PRC1: variants seen among roughly 807,000 people sequenced by gnomAD.
PRC1 encodes the protein protein regulator of cytokinesis 1.
In PRC1, 54 loss-of-function variants were observed where a neutral mutation model predicts 91.2. That is an observed-to-expected ratio of 0.59 (90% CI 0.48 to 0.74). The LOEUF (loss-of-function observed/expected upper bound fraction) is 0.74. Among genes scored for constraint, PRC1 ranks in the 30% least tolerant of loss-of-function variants. The pLI is 0.00. For synonymous variants in PRC1, 275 were observed against 263.6 expected (o/e 1.04, Z -0.42); for missense variants, 727 against 746.2 (o/e 0.97, Z 0.30).
chr15:90,966,518 G>C lies in PRC1; in HGVS notation c.*613C>G. 4.4e-6 allele frequency: 2 copies of C among 453,640 alleles called. No individual in the cohort carries two copies. The highest frequency in any genetic ancestry group is 3.1e-5 in the South Asian group (2 of 64,218). 28.1% of individuals were successfully genotyped at this position (453,640 alleles called of 1,614,324 possible). A position where few individuals can be genotyped will look rare whatever the true frequency, so the allele number is the denominator to read the frequency against. On this transcript the variant is annotated 3_prime_UTR_variant, in exon 15 of 15. Transcript: ENST00000394249. ...TTCATACATGCATACCCCCAACAAAGGGCAATGCACTGTGTAACAGAACTG... is the reference window on the plus strand; with the variant it reads ...TTCATACATGCATACCCCCAACAAACGGCAATGCACTGTGTAACAGAACTG...
At position 90,994,461 on chromosome 15, in the gene PRC1, C is replaced by G. The variant is rs1304286302; in HGVS notation, c.-44G>C. The G allele has an allele frequency of 3.1e-6, 5 of 1,601,632 alleles. No homozygotes were observed. Among genetic ancestry groups the G allele is most frequent in the Non-Finnish European group, 4.3e-6 (5 of 1,173,842 alleles). ...CCGTGAGTCCAGGTCCAGACCTACTCCACACGGCCCCGAGAGCAACAACCA... is the reference window on the plus strand; with the variant it reads ...CCGTGAGTCCAGGTCCAGACCTACTGCACACGGCCCCGAGAGCAACAACCA... On this transcript the variant is annotated 5_prime_UTR_variant, in exon 1 of 15. Transcript: ENST00000394249.
chr15:90,990,674 CT>C lies in PRC1; in HGVS notation c.11+3732del, dbSNP rs1460211781. ...ACAACTCTGAATATTCTAAAAATCA[CT>C]GAATTATAATATACAATTTAAGTAC... On this transcript the variant is annotated intron_variant, in intron 1 of 14. Coordinates refer to ENST00000394249, the MANE Select transcript of PRC1 (RefSeq NM_003981.4). Among the ~76,000 whole-genome samples the C allele has an allele frequency of 2.2e-4, 33 of 152,168 alleles. 1 individual carries two copies. Among genetic ancestry groups the C allele is most frequent in the African/African-American group, 7.0e-4 (29 of 41,522 alleles).
intron 1 of PRC1, among the ~76,000 whole-genome samples, chr15:90,985,064 T>C (rs1265279349): frequency 3.3e-5 from 5 of 152,212 alleles, no homozygotes; most frequent in African/African-American, 4.8e-5. Context: ...TTCTGGACTT[T>C]CAACAATGAT....
At chr15:90,969,727 T>G in intron 12 of PRC1, 104 bp from the exon 13 acceptor site, 1 of 791,782 alleles carries the variant, frequency 1.3e-6, no homozygotes, top group Non-Finnish European at 1.8e-6. Context: ...TTTATATTCA[T>G]GTCTATAATC....
chr15:90,970,536 T>C, intron 11 of PRC1, 22 bp from the exon 12 acceptor site: 1 of 1,521,906 alleles, frequency 6.6e-7, no homozygotes, highest in Non-Finnish European at 9.1e-7. Context: ...AGCACGTGGG[T>C]AACTGATGTG....
At chr15:90,969,321 G>T in intron 13 of PRC1, 126 bp downstream of exon 13, 1 of 1,335,730 alleles carries the variant, frequency 7.5e-7, no homozygotes, top group East Asian at 2.4e-5. Flanking sequence ...GTCAAAGCAG[G>T]AAAGGGATTC....
rs15172 is a variant in PRC1, at chr15:90,966,212, C to T, written c.*919G>A. Reference sequence around the variant, plus strand: ...CAGTAGTACTGCTGCAGGCAGACAGCGGAAGAATAAATAATAGTGCTTCAA... The same window carrying T: ...CAGTAGTACTGCTGCAGGCAGACAGTGGAAGAATAAATAATAGTGCTTCAA... On this transcript the variant is annotated 3_prime_UTR_variant, in exon 15 of 15. Transcript: ENST00000394249. 1.0e-5 allele frequency: 2 copies of T among 196,026 alleles called. No individual in the cohort carries two copies. The allele number at this position is 196,026 out of a possible 1,614,324, so 12.1% of individuals were successfully genotyped here.
At position 90,984,283 on chromosome 15, in the gene PRC1, C is replaced by A. The variant is rs1390750773; in HGVS notation, c.145-143G>T. 5.2e-6 allele frequency: 6 copies of A among 1,160,532 alleles called. No individual in the cohort carries two copies. The African/African-American group carries it at 6.2e-5, about 12-fold the overall frequency. The allele number at this position is 1,160,532 out of a possible 1,614,324, so 71.9% of individuals were successfully genotyped here. A position where few individuals can be genotyped will look rare whatever the true frequency, so the allele number is the denominator to read the frequency against. ...TCGCTCTGTTGCCCAGGCTGGAGTG[C>A]AATGGCGTGCTTTCGGCTCACTGCA... is the stretch of plus-strand genomic sequence containing the variant. On this transcript the variant is annotated intron_variant, in intron 2 of 14. Coordinates refer to ENST00000394249, the MANE Select transcript of PRC1 (RefSeq NM_003981.4). This position sits in a 1 kb window ranked among gnomAD's most constrained non-coding sequence, Gnocchi z 5.1.
chr15:90,984,972 T>A lies in PRC1; in HGVS notation c.12-147A>T. ...ACAAGCATTCAGCTTAATTCACCTT[T>A]AACCACTCCCCATCCCTTTTCCTAC... On this transcript the variant is annotated intron_variant, in intron 1 of 14. Coordinates refer to ENST00000394249, the MANE Select transcript of PRC1 (RefSeq NM_003981.4). The surrounding 1 kb of genome is among the most constrained non-coding windows in gnomAD (Gnocchi z 5.1). 3.2e-6 allele frequency: 3 copies of A among 934,660 alleles called. No individual in the cohort carries two copies. Among genetic ancestry groups the A allele is most frequent in the Non-Finnish European group, 4.8e-6 (3 of 630,862 alleles). The allele number at this position is 934,660 out of a possible 1,614,324, so 57.9% of individuals were successfully genotyped here.
chr15:90,968,957 T>G (rs1596271247), intron 14 of PRC1, 122 bp downstream of exon 14: 2 of 1,530,744 alleles, frequency 1.3e-6, no homozygotes, highest in East Asian at 4.7e-5. Context: ...ATGATAGGAA[T>G]TCCTGCTTCC....
At position 90,994,428 on chromosome 15, in the gene PRC1, C is replaced by G. The variant is rs1318152411; in HGVS notation, c.-11G>C. ...GCACCTTCTCCTCATGGCGGACGCT[C>G]CAAGCAGCCGTGAGTCCAGGTCCAG... is the stretch of plus-strand genomic sequence containing the variant. On this transcript the variant is annotated 5_prime_UTR_variant, in exon 1 of 15. Transcript: ENST00000394249. 3 of 1,611,710 alleles carry G rather than the reference C, an allele frequency of 1.9e-6. 1 individual carries two copies. The highest frequency in any genetic ancestry group is 4.5e-5 in the East Asian group (2 of 44,724).
At chr15:90,978,107 C>A (rs8042680) in intron 8 of PRC1, among the ~76,000 whole-genome samples, 82,282 of 152,136 alleles carry the variant, frequency 0.54, 27,206 homozygotes, top group East Asian at 0.99. Context: ...GGTCTCCTTC[C>A]ATCTGTGCCC....
At chr15:90,978,690 T>C (rs1371254955) in intron 8 of PRC1, among the ~76,000 whole-genome samples, 1 of 138,030 alleles carries the variant, frequency 7.2e-6, no homozygotes, top group East Asian at 2.3e-4. Flanking sequence ...GAGGTGGAGG[T>C]TGTGGTGAGC....
In PRC1 at chr15:90,994,454, A is replaced by G. The variant is rs1006394425; in HGVS notation, c.-37T>C. Reference sequence around the variant, plus strand: ...CAAGCAGCCGTGAGTCCAGGTCCAGACCTACTCCACACGGCCCCGAGAGCA... The same window carrying G: ...CAAGCAGCCGTGAGTCCAGGTCCAGGCCTACTCCACACGGCCCCGAGAGCA... On this transcript the variant is annotated 5_prime_UTR_variant, in exon 1 of 15. Coordinates refer to ENST00000394249, the MANE Select transcript of PRC1 (RefSeq NM_003981.4). 1.9e-6 allele frequency: 3 copies of G among 1,604,472 alleles called. No individual in the cohort carries two copies. In the African/African-American group the frequency reaches 4.1e-5, roughly 22 times the overall value.
intron 14 of PRC1, 78 bp downstream of exon 14, chr15:90,969,001 G>T: frequency 1.2e-6 from 2 of 1,609,488 alleles, no homozygotes; most frequent in Non-Finnish European, 1.7e-6. Context: ...AGTTAGTGTA[G>T]CCCTGTGCCC....
rs1374141706 is a variant in PRC1, at chr15:90,974,273, A to AT, written c.1351-28dup. Reference sequence around the variant, plus strand: ...TGTGTGAAAGTCAGAAGCAACAGTGATAAATCTCAGGAAGAGAGCGGGTCT... The same window carrying AT: ...TGTGTGAAAGTCAGAAGCAACAGTGATTAAATCTCAGGAAGAGAGCGGGTCT... On this transcript the variant is annotated intron_variant, in intron 10 of 14. Transcript: ENST00000394249. This position sits in a 1 kb window ranked among gnomAD's most constrained non-coding sequence, Gnocchi z 4.6. The AT allele has an allele frequency of 5.1e-6, 8 of 1,580,210 alleles. No homozygotes were observed. The African/African-American group carries it at 9.4e-5, about 19-fold the overall frequency.
intron 11 of PRC1, among the ~76,000 whole-genome samples, chr15:90,973,609 C>T (rs955619402): frequency 3.3e-5 from 5 of 152,048 alleles, no homozygotes; most frequent in Admixed American, 2.0e-4. Context: ...AAAACCCGAT[C>T]GTACGTACCT....
In PRC1 at chr15:90,967,190, T is replaced by C. The variant is rs761242329; in HGVS notation, c.1804A>G (p.Lys602Glu). 3.1e-6 allele frequency: 5 copies of C among 1,613,944 alleles called. No individual in the cohort carries two copies. The highest frequency in any genetic ancestry group is 2.2e-5 in the South Asian group (2 of 91,086). Residue 602 changes from lysine (K) to glutamate (E), a missense_variant, in exon 15 of 15, where the codon AAG (lysine) becomes GAG (glutamate). Lys to Glu is a moderately conservative substitution (Grantham distance 56, BLOSUM62 1). Transcript: ENST00000394249. ...GAAGTAGCATCAGATTTGGAAGCCT[T>C]TGAAAGTTCTCGCTGTTGAAAAATA... The part of the protein sequence containing the change: ...STVGLQRELS[K>E]ASKSDATSGI...
chr15:90,985,593 C>G (rs34881088), intron 1 of PRC1, among the ~76,000 whole-genome samples: 1 of 149,956 alleles, frequency 6.7e-6, no homozygotes, highest in African/African-American at 2.5e-5. Context: ...GAGTCTCGCT[C>G]CGTTGCCCTG....
Sources: gnomAD v4.1 joint callset for allele counts (sites outside exome capture counted in the v4.1 genomes callset) on GRCh38, gnomAD v4.1.1 for gene constraint, Gnocchi (gnomAD v3.1) non-coding constraint, MANE v1.5 for transcripts, NCBI Gene and HGNC (gene_info 2026-07-23, HGNC 2026-07-21) for gene names.